Variants in GAS7 observed in about 807,000 individuals in gnomAD.
GAS7 encodes the protein growth arrest-specific protein 7.
In GAS7, 28 loss-of-function variants were observed where a neutral mutation model predicts 71.1. The ratio of observed to expected loss-of-function variants is 0.39; its 90% CI spans 0.29 to 0.54. The LOEUF (loss-of-function observed/expected upper bound fraction) is 0.54. Ranked by LOEUF, GAS7 falls within the 20% of genes least tolerant of loss-of-function variation. GAS7 has a pLI of 0.62. For missense variants in GAS7, 436 were observed against 627.8 expected, an observed-to-expected ratio of 0.69 and a Z score of 3.27; for synonymous variants, 258 against 245.8, an observed-to-expected ratio of 1.05 and a Z score of -0.46.
chr17:10,114,912 C>A (rs1364183142), intron 1 of GAS7, among the ~76,000 whole-genome samples: 4 of 152,226 alleles, frequency 2.6e-5, no homozygotes, highest in Non-Finnish European at 5.9e-5. Context: ...GAGAATGATT[C>A]TCTGGCAAGC....
chr17:9,959,033 T>A lies in GAS7; in HGVS notation c.525+169A>T. 1 of 1,353,764 alleles carries A rather than the reference T, an allele frequency of 7.4e-7. No homozygotes were observed. Among genetic ancestry groups the A allele is most frequent in the Non-Finnish European group, 9.7e-7 (1 of 1,028,546 alleles). 83.9% of individuals were successfully genotyped at this position (1,353,764 alleles called of 1,614,324 possible). On this transcript the variant is annotated intron_variant, in intron 5 of 13. Coordinates refer to ENST00000432992, the MANE Select transcript of GAS7 (RefSeq NM_201433.2). The surrounding 1 kb of genome is among the most constrained non-coding windows in gnomAD (Gnocchi z 5.0). Reference sequence around the variant, plus strand: ...GTGAAATTGACAGGAGAAGGGGAGGTGGGAGGGGCATGTGGATGGGGAACT... The same window carrying A: ...GTGAAATTGACAGGAGAAGGGGAGGAGGGAGGGGCATGTGGATGGGGAACT...
chr17:10,178,552 A>T (rs1430707685), intron 1 of GAS7, among the ~76,000 whole-genome samples: 1 of 151,876 alleles, frequency 6.6e-6, no homozygotes, highest in Admixed American at 6.6e-5. Flanking sequence ...AGCCTGTCTC[A>T]TACCTCTCCT....
At chr17:10,005,604 A>G (rs1567881506) in intron 2 of GAS7, among the ~76,000 whole-genome samples, 1 of 152,182 alleles carries the variant, frequency 6.6e-6, no homozygotes, top group Admixed American at 6.5e-5. Flanking sequence ...TTCTGAAAGA[A>G]GATAGATATC....
chr17:10,106,965 A>G (rs1000238322), intron 1 of GAS7, among the ~76,000 whole-genome samples: 2 of 152,146 alleles, frequency 1.3e-5, no homozygotes, highest in African/African-American at 4.8e-5. Context: ...GTCAAAGAAG[A>G]AAGAGGCTGA....
At chr17:10,050,340 A>C (rs2073045709) in intron 1 of GAS7, among the ~76,000 whole-genome samples, 1 of 152,172 alleles carries the variant, frequency 6.6e-6, no homozygotes, top group African/African-American at 2.4e-5. Context: ...AACCAATGCA[A>C]CGCTAACACA....
chr17:10,009,155 C>A (rs1215304631), intron 2 of GAS7, among the ~76,000 whole-genome samples: 1 of 151,334 alleles, frequency 6.6e-6, no homozygotes, highest in Non-Finnish European at 1.5e-5. Flanking sequence ...CCCGTCTCTA[C>A]TAAAAATACA....
At chr17:10,029,774 C>T (rs932186338) in intron 1 of GAS7, among the ~76,000 whole-genome samples, 1 of 152,014 alleles carries the variant, frequency 6.6e-6, no homozygotes, top group Non-Finnish European at 1.5e-5. Flanking sequence ...ATTGCTTGAA[C>T]CTAGAAGGCG....
intron 3 of GAS7, among the ~76,000 whole-genome samples, chr17:9,973,001 A>G (rs1350995234): frequency 6.6e-6 from 1 of 152,210 alleles, no homozygotes; most frequent in Non-Finnish European, 1.5e-5. Flanking sequence ...CATTCAACTT[A>G]AGATCTGGGG....
chr17:10,019,875 G>A lies in GAS7; in HGVS notation c.206C>T (p.Pro69Leu), dbSNP rs377484334. 63 of 1,613,810 alleles carry A rather than the reference G, an allele frequency of 3.9e-5. No individual in the cohort carries two copies. The highest frequency in any genetic ancestry group is 6.7e-5 in the African/African-American group (5 of 74,936). The change falls in exon 2 of 14, where the codon CCG becomes CTG. Residue 69 changes from proline to leucine, a missense_variant. Coordinates refer to ENST00000432992, the MANE Select transcript of GAS7 (RefSeq NM_201433.2). ...GACCGTCTGGCTTTCTTCTCCCGGCGGAGGGGGGACCATTCCAGGCTTCTG... is the reference window on the plus strand; with the variant it reads ...GACCGTCTGGCTTTCTTCTCCCGGCAGAGGGGGGACCATTCCAGGCTTCTG... ...LLEKPGMVPPPPGEESQTVIL... is the reference protein window; with the variant it reads ...LLEKPGMVPPLPGEESQTVIL...
intron 9 of GAS7, among the ~76,000 whole-genome samples, chr17:9,931,014 G>A (rs1385716076): frequency 6.6e-6 from 1 of 152,180 alleles, no homozygotes; most frequent in Non-Finnish European, 1.5e-5. Context: ...GGTTGTCCAG[G>A]GCCAGTCTGC....
chr17:10,088,199 C>T (rs2073541036), intron 1 of GAS7, among the ~76,000 whole-genome samples: 1 of 147,350 alleles, frequency 6.8e-6, no homozygotes, highest in South Asian at 2.2e-4. Context: ...CCAGCCGGGG[C>T]AACAGAGCGA....
At chr17:10,096,988 T>C (rs1054842702) in intron 1 of GAS7, among the ~76,000 whole-genome samples, 1 of 152,222 alleles carries the variant, frequency 6.6e-6, no homozygotes, top group Non-Finnish European at 1.5e-5. Flanking sequence ...GCCAGACATT[T>C]TCTAAATCAA....
At chr17:10,070,341 CTTTTTTTTTTTTTTTT>C (rs71365713) in intron 1 of GAS7, among the ~76,000 whole-genome samples, 1 of 106,132 alleles carries the variant, frequency 9.4e-6, no homozygotes, top group Admixed American at 1.2e-4. Flanking sequence ...TCTCTCTCTT[CTTTTTTTTTTTTTTTT>C]TTTTTTTTTA....
chr17:10,142,805 T>C (rs117342147), intron 1 of GAS7, among the ~76,000 whole-genome samples: 5,990 of 152,266 alleles, frequency 0.039, 175 homozygotes, highest in Non-Finnish European at 0.063. Flanking sequence ...CAAACAGTTC[T>C]ATATGAGGAT....
intron 1 of GAS7, among the ~76,000 whole-genome samples, chr17:10,049,431 C>G (rs2073029418): frequency 6.6e-6 from 1 of 151,930 alleles, no homozygotes; most frequent in Non-Finnish European, 1.5e-5. Flanking sequence ...AAATAGCACT[C>G]CCTCACCCAA....
At chr17:10,089,284 A>C (rs2073555116) in intron 1 of GAS7, among the ~76,000 whole-genome samples, 1 of 152,200 alleles carries the variant, frequency 6.6e-6, no homozygotes, top group Non-Finnish European at 1.5e-5. Flanking sequence ...AGTAGAAAAA[A>C]AGATAAGGTC....
At chr17:10,095,317 G>T (rs1047773398) in intron 1 of GAS7, among the ~76,000 whole-genome samples, 2 of 152,126 alleles carry the variant, frequency 1.3e-5, no homozygotes, top group African/African-American at 4.8e-5. Context: ...AGCTTTCTGA[G>T]TGTCCCTTCC....
At chr17:10,168,335 C>T (rs1259668162) in intron 1 of GAS7, among the ~76,000 whole-genome samples, 1 of 152,254 alleles carries the variant, frequency 6.6e-6, no homozygotes, top group East Asian at 1.9e-4. Flanking sequence ...TTTAAAAGAA[C>T]TAAACCCACA....
intron 3 of GAS7, among the ~76,000 whole-genome samples, chr17:9,973,312 T>C (rs1376227346): frequency 6.6e-6 from 1 of 151,530 alleles, no homozygotes; most frequent in Non-Finnish European, 1.5e-5. Flanking sequence ...TGGAGTGCAG[T>C]GGGCGATCTC....
Sources: gnomAD v4.1 joint callset for allele counts (sites outside exome capture counted in the v4.1 genomes callset) on GRCh38, gnomAD v4.1.1 for gene constraint, Gnocchi (gnomAD v3.1) non-coding constraint, MANE v1.5 for transcripts, NCBI Gene and HGNC (gene_info 2026-07-23, HGNC 2026-07-21) for gene names.